The following EPB41 variants were observed in gnomAD, a reference collection of about 807,000 sequenced individuals.
The protein encoded by EPB41 is erythrocyte membrane protein band 4.1.
Under a neutral mutation model 108.0 loss-of-function variants are expected in EPB41, and 65 were observed. The observed-to-expected ratio is 0.60, with a 90% CI of 0.49 to 0.74. EPB41 has a LOEUF of 0.74. EPB41 is among the 30% of genes least tolerant of loss of function. EPB41 has a pLI of 0.00. For missense variants in EPB41, 875 were observed against 1,037.0 expected (o/e 0.84, Z 2.15); for synonymous variants, 336 against 358.9 (o/e 0.94, Z 0.72).
At chr1:29,078,905 C>G (rs1283399908) in intron 16 of EPB41, among the ~76,000 whole-genome samples, 1 of 152,100 alleles carries the variant, frequency 6.6e-6, no homozygotes, top group African/African-American at 2.4e-5. Context: ...CCATTTCCCC[C>G]TAAAGAATAA....
At chr1:29,107,851 CAA>C (rs58046908) in intron 17 of EPB41, among the ~76,000 whole-genome samples, 11 of 62,806 alleles carry the variant, frequency 1.8e-4, no homozygotes, top group East Asian at 1.4e-3. Flanking sequence ...AACTCCATCT[CAA>C]AAAAAAAAAA....
intron 1 of EPB41, among the ~76,000 whole-genome samples, chr1:28,934,992 G>A (rs2093933594): frequency 6.6e-6 from 1 of 152,038 alleles, no homozygotes; most frequent in Non-Finnish European, 1.5e-5. Flanking sequence ...GCGCATCCTT[G>A]TGGTCCCAGC....
chr1:29,025,527 C>A (rs776940143), intron 7 of EPB41, among the ~76,000 whole-genome samples: 1 of 151,764 alleles, frequency 6.6e-6, no homozygotes, highest in Non-Finnish European at 1.5e-5. Context: ...TTTGTTATGA[C>A]GCTCAAAGGT....
intron 7 of EPB41, among the ~76,000 whole-genome samples, chr1:29,029,078 ATAACAG>A (rs2096757236): frequency 1.3e-5 from 2 of 152,222 alleles, no homozygotes; most frequent in East Asian, 3.9e-4. Flanking sequence ...CATCTCGTCA[ATAACAG>A]TAACAACAAC....
chr1:29,098,656 A>G (rs1664115034), intron 17 of EPB41, among the ~76,000 whole-genome samples: 1 of 152,174 alleles, frequency 6.6e-6, no homozygotes, highest in African/African-American at 2.4e-5. Flanking sequence ...TGGACAAGTA[A>G]TTGAATATCT....
At chr1:28,900,913 G>T (rs2091219153) in intron 1 of EPB41, among the ~76,000 whole-genome samples, 1 of 151,986 alleles carries the variant, frequency 6.6e-6, no homozygotes, top group South Asian at 2.1e-4. Context: ...TTCTCAATAA[G>T]ACCTTTCCTA....
chr1:29,080,016 T>C (rs1015191700), intron 16 of EPB41, among the ~76,000 whole-genome samples: 7 of 152,020 alleles, frequency 4.6e-5, no homozygotes, highest in African/African-American at 9.7e-5. Context: ...GAAAAAAATA[T>C]ATATTTCTCT....
At chr1:28,892,083 G>C (rs1426124029) in intron 1 of EPB41, among the ~76,000 whole-genome samples, 3 of 79,636 alleles carry the variant, frequency 3.8e-5, no homozygotes, top group Admixed American at 2.1e-4. Context: ...ATAAGAACAA[G>C]ACTGCATCTC....
chr1:29,079,058 C>T lies in EPB41; in HGVS notation c.2184+13900C>T, dbSNP rs527903204. Among the ~76,000 whole-genome samples, 117 of 151,304 alleles carry T rather than the reference C, an allele frequency of 7.7e-4. No homozygotes were observed. The South Asian group carries it at 9.4e-3, about 12-fold the overall frequency. ...TTGCCCAGGCTGGAGTGCAATGGTGCGATCTCGGCTCACGGCAACCTCCGC... is the reference window on the plus strand; with the variant it reads ...TTGCCCAGGCTGGAGTGCAATGGTGTGATCTCGGCTCACGGCAACCTCCGC... On this transcript the variant is annotated intron_variant, in intron 16 of 20. Coordinates refer to ENST00000343067, the MANE Select transcript of EPB41 (RefSeq NM_001376013.1).
chr1:29,040,863 C>T (rs891653364), intron 11 of EPB41, among the ~76,000 whole-genome samples: 5 of 151,872 alleles, frequency 3.3e-5, no homozygotes, highest in East Asian at 1.9e-4. Flanking sequence ...AGGCTGGGTG[C>T]GGTGGCTCAC....
At chr1:28,924,576 C>T (rs886681014) in intron 1 of EPB41, among the ~76,000 whole-genome samples, 1 of 152,116 alleles carries the variant, frequency 6.6e-6, no homozygotes, top group African/African-American at 2.4e-5. Flanking sequence ...CTAGCTAAGT[C>T]ATGCCTGGAT....
At chr1:29,080,628 A>T (rs1573672531) in intron 16 of EPB41, among the ~76,000 whole-genome samples, 1 of 151,984 alleles carries the variant, frequency 6.6e-6, no homozygotes, top group East Asian at 1.9e-4. Flanking sequence ...AGCTCAGGCC[A>T]TCCACCCTCC....
At chr1:28,968,689 C>T (rs185651576) in intron 1 of EPB41, among the ~76,000 whole-genome samples, 5 of 152,150 alleles carry the variant, frequency 3.3e-5, no homozygotes, top group Non-Finnish European at 5.9e-5. Flanking sequence ...TGAGGCCGGG[C>T]GCAGTGGCTC....
chr1:29,096,287 T>C, intron 16 of EPB41: 1 of 985,650 alleles, frequency 1.0e-6, no homozygotes, highest in Non-Finnish European at 1.2e-6. Flanking sequence ...CTCGTCGGAG[T>C]CTCTGCAAAG....
chr1:29,057,534 G>A (rs545281170), intron 12 of EPB41, among the ~76,000 whole-genome samples: 1 of 152,000 alleles, frequency 6.6e-6, no homozygotes, highest in Non-Finnish European at 1.5e-5. Flanking sequence ...AGGGAAAATA[G>A]CACAATGACA....
intron 16 of EPB41, among the ~76,000 whole-genome samples, chr1:29,093,078 T>C (rs1661904246): frequency 6.6e-6 from 1 of 152,316 alleles, no homozygotes; most frequent in East Asian, 1.9e-4. Context: ...CGTAATAGGA[T>C]TGCTGGGTCA....
chr1:29,093,157 A>C (rs1321230200), intron 16 of EPB41, among the ~76,000 whole-genome samples: 1 of 152,214 alleles, frequency 6.6e-6, no homozygotes, highest in African/African-American at 2.4e-5. Context: ...GAACTAATTT[A>C]CATTCCCACC....
intron 3 of EPB41, among the ~76,000 whole-genome samples, chr1:28,995,476 C>T (rs765299659): frequency 8.5e-5 from 13 of 152,108 alleles, no homozygotes; most frequent in Non-Finnish European, 1.5e-4. Flanking sequence ...GCAGGAGAAT[C>T]GCTTGAACCC....
At chr1:29,012,687 A>T (rs1406965848) in intron 5 of EPB41, among the ~76,000 whole-genome samples, 2 of 152,230 alleles carry the variant, frequency 1.3e-5, no homozygotes, top group Non-Finnish European at 2.9e-5. Context: ...TTTAACACTC[A>T]CCTGAAAACA....
Sources: gnomAD v4.1 joint callset for allele counts (sites outside exome capture counted in the v4.1 genomes callset) on GRCh38, gnomAD v4.1.1 for gene constraint, MANE v1.5 for transcripts, NCBI Gene and HGNC (gene_info 2026-07-23, HGNC 2026-07-21) for gene names.